SHC2: variants seen among roughly 807,000 people sequenced by gnomAD.
SHC2 encodes the protein SHC-transforming protein 2.
SHC2 carries 62 observed loss-of-function variants against 60.6 expected under a neutral mutation model. The ratio of observed to expected loss-of-function variants is 1.02; its 90% CI spans 0.83 to 1.26. The LOEUF (loss-of-function observed/expected upper bound fraction) is 1.26, where lower values mean the gene tolerates loss of function less well. SHC2 is among the 50% of genes most tolerant of loss of function. SHC2 has a pLI of 0.00. For synonymous variants in SHC2, 375 were observed against 372.4 expected (o/e 1.01, Z -0.08); for missense variants, 873 against 822.2 (o/e 1.06, Z -0.76).
chr19:459,143 C>T (rs1280731178), intron 1 of SHC2, among the ~76,000 whole-genome samples: 1 of 152,156 alleles, frequency 6.6e-6, no homozygotes, highest in African/African-American at 2.4e-5. Context: ...AGGTCAGACT[C>T]CTACGGCACA....
In SHC2 at chr19:431,026, C is replaced by T. The variant is rs145837092; in HGVS notation, c.1111-279G>A. On this transcript the variant is annotated intron_variant, in intron 8 of 12. Transcript: ENST00000264554. ...TTCCCCCTGCCTGGATAACCTTCCC[C>T]GCTCTGCTCTCCCAGGCAGCTCCTA... 2.5e-3 allele frequency among the ~76,000 whole-genome samples: 384 copies of T among 152,340 alleles called. 1 individual carries two copies. Among genetic ancestry groups the T allele is most frequent in the African/African-American group, 8.9e-3 (370 of 41,572 alleles).
intron 1 of SHC2, among the ~76,000 whole-genome samples, chr19:459,188 G>A (rs1011709248): frequency 6.4e-5 from 9 of 140,814 alleles, no homozygotes; most frequent in African/African-American, 2.9e-4. Context: ...ACTCGGTGTA[G>A]GGGGAAGGAC....
Position 460,666 on chromosome 19 carries a change from GCC to G in SHC2, c.329_330del (p.Gly110AlafsTer63). 1 of 1,114,466 alleles carries G rather than the reference GCC, an allele frequency of 9.0e-7. No individual in the cohort carries two copies. 69.0% of individuals were successfully genotyped at this position (1,114,466 alleles called of 1,614,324 possible). On this transcript the variant is annotated frameshift_variant, in exon 1 of 13. Transcript: ENST00000264554. LOFTEE classifies it high-confidence loss of function. ...RGAGSRGSRG[G>X]RGAAGSGDAA... is the part of the protein sequence containing the mutation. ...GCGTCCCCGGACCCCGCCGCCCCCC[GCC>G]CGCCCCGCGACCCCCGCGACCCCGC...
intron 1 of SHC2, among the ~76,000 whole-genome samples, chr19:447,081 T>G (rs1393750734): frequency 6.6e-6 from 1 of 152,204 alleles, no homozygotes; most frequent in Admixed American, 6.5e-5. Context: ...AACTAAAATA[T>G]CTATCAACGG....
At position 422,230 on chromosome 19, in the gene SHC2, G is replaced by C; in HGVS notation, c.1536C>G (p.Ser512Arg). The change falls in exon 11 of 13, where the codon AGC becomes AGG. Residue 512 changes from serine to arginine, a missense_variant. Ser to Arg is a moderately radical substitution (Grantham distance 110). Coordinates refer to ENST00000264554, the MANE Select transcript of SHC2 (RefSeq NM_012435.3). The surrounding 1 kb of genome is among the most constrained non-coding windows in gnomAD (Gnocchi z 5.0). The stretch of plus-strand genomic sequence containing the variant: ...GGACATACTGCCCGGGGTTGGTGAC[G>C]CTGTCTCGCACAAGGAAGTCCCCGT... Reference protein sequence around the residue: ...RADGDFLVRDSVTNPGQYVLT... With the variant: ...RADGDFLVRDRVTNPGQYVLT... 6.2e-7 allele frequency: 1 copy of C among 1,612,434 alleles called. No individual in the cohort carries two copies. The highest frequency in any genetic ancestry group is 8.5e-7 in the Non-Finnish European group (1 of 1,179,610).
At chr19:431,595 G>A (rs12986237) in intron 8 of SHC2, among the ~76,000 whole-genome samples, 24 of 46,488 alleles carry the variant, frequency 5.2e-4, no homozygotes, top group Admixed American at 7.8e-4. Flanking sequence ...AGAGGAGGCC[G>A]GGCAGATAGA....
rs753764768 is a variant in SHC2 at position 430,661 on chromosome 19, C to T, written c.1174+23G>A. ...AGCCCCAGAATCCTCGTGGGTACCCCTTGCAGCCCCAGCCCATCCTACCTG... is the reference window on the plus strand; with the variant it reads ...AGCCCCAGAATCCTCGTGGGTACCCTTTGCAGCCCCAGCCCATCCTACCTG... On this transcript the variant is annotated intron_variant, in intron 9 of 12. Coordinates refer to ENST00000264554, the MANE Select transcript of SHC2 (RefSeq NM_012435.3). The T allele has an allele frequency of 3.1e-6, 5 of 1,609,124 alleles. No homozygotes were observed. The African/African-American group carries it at 6.7e-5, about 21-fold the overall frequency.
intron 1 of SHC2, among the ~76,000 whole-genome samples, chr19:449,468 A>G (rs971867250): frequency 2.6e-5 from 4 of 152,204 alleles, no homozygotes; most frequent in African/African-American, 7.2e-5. Context: ...CGCACTGAAA[A>G]TGTGATCGCA....
Position 437,491 on chromosome 19 carries a change from A to G in SHC2, c.721-808T>C, listed in dbSNP as rs536653352. ...ACCAGCCACGTCCTGAGTCCTCCCT[A>G]CAGAACATCCACTTCTCAGCCCCCA... On this transcript the variant is annotated intron_variant, in intron 4 of 12. Transcript: ENST00000264554. Among the ~76,000 whole-genome samples, 28 of 151,850 alleles carry G rather than the reference A, an allele frequency of 1.8e-4. No individual in the cohort carries two copies. In the South Asian group the frequency reaches 5.4e-3, roughly 29 times the overall value.
At chr19:458,486 G>T (rs1280562091) in intron 1 of SHC2, among the ~76,000 whole-genome samples, 6 of 138,260 alleles carry the variant, frequency 4.3e-5, no homozygotes, top group Non-Finnish European at 9.5e-5. Context: ...TGTTCCGGGG[G>T]ACGGGGAAGC....
chr19:425,334 T>C lies in SHC2; in HGVS notation c.1175-103A>G, dbSNP rs1974388490. 3.1e-6 allele frequency: 3 copies of C among 983,144 alleles called. No homozygotes were observed. Among genetic ancestry groups the C allele is most frequent in the Non-Finnish European group, 4.0e-6 (3 of 755,804 alleles). 60.9% of individuals were successfully genotyped at this position (983,144 alleles called of 1,614,324 possible). On this transcript the variant is annotated intron_variant, in intron 9 of 12. Coordinates refer to ENST00000264554, the MANE Select transcript of SHC2 (RefSeq NM_012435.3). This position sits in a 1 kb window ranked among gnomAD's most constrained non-coding sequence, Gnocchi z 4.1. ...GAGGAGCTCCCCCGGCCACCACCTGTGCTGCTGGCTGCAGGGCGGATGCTG... is the reference window on the plus strand; with the variant it reads ...GAGGAGCTCCCCCGGCCACCACCTGCGCTGCTGGCTGCAGGGCGGATGCTG...
intron 1 of SHC2, among the ~76,000 whole-genome samples, chr19:452,918 C>T (rs1311503684): frequency 1.3e-5 from 2 of 152,124 alleles, no homozygotes; most frequent in Non-Finnish European, 2.9e-5. Context: ...GTTTGGTGGC[C>T]CCGTTCCCTT....
chr19:421,714 C>T (rs560142446), intron 11 of SHC2, among the ~76,000 whole-genome samples: 1 of 152,140 alleles, frequency 6.6e-6, no homozygotes, highest in East Asian at 1.9e-4. Flanking sequence ...AGGCCAGGAG[C>T]TGGGGACCAG....
At chr19:443,298 GTGGGTGGATGAGTGGA>G (rs1297299749) in intron 1 of SHC2, among the ~76,000 whole-genome samples, 2 of 145,748 alleles carry the variant, frequency 1.4e-5, no homozygotes, top group Non-Finnish European at 3.0e-5. Flanking sequence ...GCATGGATGG[GTGGGTGGATGAGTGGA>G]TGGGTGGATG....
rs1222059929 is a variant in SHC2, at chr19:438,945, A to C, written c.600+25T>G. 2.5e-6 allele frequency: 4 copies of C among 1,586,934 alleles called. No individual in the cohort carries two copies. The Admixed American group carries it at 7.0e-5, about 28-fold the overall frequency. ...AGCCCCCGACTGCCCCACCAGCCCC[A>C]CGAGAGACCACAAGCCTCACTCACC... On this transcript the variant is annotated intron_variant, in intron 3 of 12. Coordinates refer to ENST00000264554, the MANE Select transcript of SHC2 (RefSeq NM_012435.3). The surrounding 1 kb of genome is among the most constrained non-coding windows in gnomAD (Gnocchi z 5.0).
intron 1 of SHC2, among the ~76,000 whole-genome samples, chr19:457,969 GGGTCCTGGGGAGGCGGAAGCC>G (rs1191553213): frequency 2.2e-5 from 3 of 138,736 alleles, no homozygotes; most frequent in African/African-American, 9.8e-5. Flanking sequence ...AGGCGGAAGC[GGGTCCTGGGGAGGCGGAAGCC>G]GGTCCCGGGG....
chr19:421,097 A>G (rs1974258257), intron 11 of SHC2, among the ~76,000 whole-genome samples: 1 of 141,056 alleles, frequency 7.1e-6, no homozygotes, highest in South Asian at 2.3e-4. Context: ...AGAGAGAGAG[A>G]GAAAAGAGTA....
intron 1 of SHC2, among the ~76,000 whole-genome samples, chr19:443,309 A>G (rs145553897): frequency 0.087 from 5,592 of 64,132 alleles, 321 homozygotes; most frequent in African/African-American, 0.25. Flanking sequence ...TGGGTGGATG[A>G]GTGGATGGGT....
At chr19:449,358 T>G (rs1392421433) in intron 1 of SHC2, among the ~76,000 whole-genome samples, 1 of 148,642 alleles carries the variant, frequency 6.7e-6, no homozygotes, top group Non-Finnish European at 1.5e-5. Flanking sequence ...AGATCCTGTC[T>G]CAAAAAAAGA....
Sources: gnomAD v4.1 joint callset for allele counts (sites outside exome capture counted in the v4.1 genomes callset) on GRCh38, gnomAD v4.1.1 for gene constraint, Gnocchi (gnomAD v3.1) non-coding constraint, MANE v1.5 for transcripts, NCBI Gene and HGNC (gene_info 2026-07-23, HGNC 2026-07-21) for gene names.